RRAGD: variants seen among roughly 807,000 people sequenced by gnomAD.
The protein encoded by RRAGD is ras-related GTP-binding protein D.
Under a neutral mutation model 35.5 loss-of-function variants are expected in RRAGD, and 12 were observed. The observed-to-expected ratio is 0.34, with a 90% confidence interval of 0.22 to 0.55. The LOEUF (loss-of-function observed/expected upper bound fraction) is 0.55, where lower values mean the gene tolerates loss of function less well. RRAGD is among the 20% of genes least tolerant of loss of function. The pLI, the probability that RRAGD is intolerant of heterozygous loss-of-function variation, is 0.91. For synonymous variants in RRAGD, 155 were observed against 178.9 expected (o/e 0.87, Z 1.07); for missense variants, 324 against 490.1 (o/e 0.66, Z 3.20).
chr6:89,388,338 G>A (rs1453360064), intron 1 of RRAGD, among the ~76,000 whole-genome samples: 3 of 152,184 alleles, frequency 2.0e-5, no homozygotes, highest in Admixed American at 6.5e-5. Flanking sequence ...TGGGGGAAAA[G>A]ACGAATGGGG....
chr6:89,377,938 T>G (rs1189660447), intron 4 of RRAGD, 125 bp from the exon 5 acceptor site: 3 of 671,780 alleles, frequency 4.5e-6, no homozygotes, highest in Non-Finnish European at 7.3e-6. Context: ...TACTAAAAAT[T>G]TAAATTGTAT....
chr6:89,390,499 A>G (rs895084069), intron 1 of RRAGD, among the ~76,000 whole-genome samples: 1 of 152,248 alleles, frequency 6.6e-6, no homozygotes, highest in East Asian at 1.9e-4. Flanking sequence ...TATAATCAAA[A>G]TGACAGATAA....
At chr6:89,371,131 T>A (rs1768847754) in intron 6 of RRAGD, among the ~76,000 whole-genome samples, 1 of 151,662 alleles carries the variant, frequency 6.6e-6, no homozygotes, top group Non-Finnish European at 1.5e-5. Context: ...CCAGTTTTGT[T>A]GGAAGGAAGG....
At chr6:89,400,708 C>T in intron 1 of RRAGD, among the ~76,000 whole-genome samples, 1 of 152,142 alleles carries the variant, frequency 6.6e-6, no homozygotes, top group East Asian at 1.9e-4. Context: ...GCACTTCAGC[C>T]TCTCAGCCTC....
intron 1 of RRAGD, among the ~76,000 whole-genome samples, chr6:89,392,432 A>G (rs1017977493): frequency 8.1e-5 from 12 of 148,982 alleles, no homozygotes; most frequent in South Asian, 4.2e-4. Flanking sequence ...GTGAGCTTTG[A>G]TTGCACTACT....
intron 5 of RRAGD, among the ~76,000 whole-genome samples, chr6:89,374,826 T>C (rs1283981862): frequency 1.3e-5 from 2 of 152,154 alleles, no homozygotes; most frequent in Non-Finnish European, 2.9e-5. Context: ...AGAAAAACCT[T>C]TTAAGTGCTG....
At chr6:89,388,459 G>A (rs748754473) in intron 1 of RRAGD, among the ~76,000 whole-genome samples, 9 of 152,160 alleles carry the variant, frequency 5.9e-5, no homozygotes, top group South Asian at 2.1e-4. Flanking sequence ...GGCCCTCACC[G>A]CCAAAAATGG....
At position 89,367,946 on chromosome 6, in the gene RRAGD, C is replaced by A; in HGVS notation, c.*110G>T. On this transcript the variant is annotated 3_prime_UTR_variant, in exon 7 of 7. Transcript: ENST00000369415. ...TGCAGGAATTTTTTTTTTTTAACAA[C>A]AAATCAATGGTATGTGTCCCAATCT... 6.2e-6 allele frequency: 6 copies of A among 971,224 alleles called. No individual in the cohort carries two copies. Among genetic ancestry groups the A allele is most frequent in the Admixed American group, 2.9e-5 (1 of 34,724 alleles). The allele number at this position is 971,224 out of a possible 1,614,324, so 60.2% of individuals were successfully genotyped here.
rs1411433921 is a variant in RRAGD, at chr6:89,411,888, CG to C, written c.105del (p.Asp36ThrfsTer26). On this transcript the variant is annotated frameshift_variant, in exon 1 of 7. Transcript: ENST00000369415. LOFTEE classifies it high-confidence loss of function. The surrounding 1 kb of genome is among the most constrained non-coding windows in gnomAD (Gnocchi z 5.6). ...LVGLADYGDG[P>X]DSSDADPDSG... is the part of the protein sequence containing the mutation. ...CTGTCCGGATCGGCGTCGGAGGAGT[CG>C]GGCCCGTCTCCGTAGTCCGCTAGCC... The C allele has an allele frequency of 6.5e-7, 1 of 1,546,950 alleles. No homozygotes were observed. The highest frequency in any genetic ancestry group is 8.7e-7 in the Non-Finnish European group (1 of 1,148,612).
rs1226073792 is a variant in RRAGD, at chr6:89,411,828, C to T, written c.148+18G>A. On this transcript the variant is annotated intron_variant, in intron 1 of 6. Transcript: ENST00000369415. This position sits in a 1 kb window ranked among gnomAD's most constrained non-coding sequence, Gnocchi z 5.6. Reference sequence around the variant, plus strand: ...AGGAAAGGGGCGCGAGCCGAGGACGCGGGGGCCGGGCGCTCACCTCCCTCC... The same window carrying T: ...AGGAAAGGGGCGCGAGCCGAGGACGTGGGGGCCGGGCGCTCACCTCCCTCC... 2 of 1,543,714 alleles carry T rather than the reference C, an allele frequency of 1.3e-6. No homozygotes were observed. Among genetic ancestry groups the T allele is most frequent in the Non-Finnish European group, 1.7e-6 (2 of 1,148,748 alleles).
intron 2 of RRAGD, among the ~76,000 whole-genome samples, chr6:89,380,693 G>A (rs1769027443): frequency 1.3e-5 from 2 of 152,096 alleles, no homozygotes; most frequent in Non-Finnish European, 2.9e-5. Context: ...GGATCATGAG[G>A]TCAGGAGATT....
At chr6:89,380,053 CAG>C (rs553606554) in intron 3 of RRAGD, 113 bp downstream of exon 3, 20 of 847,446 alleles carry the variant, frequency 2.4e-5, no homozygotes, top group Non-Finnish European at 3.7e-5. Context: ...CAGCATGAAA[CAG>C]GGTAAAAAGA....
At chr6:89,371,704 T>C (rs1041179070) in intron 6 of RRAGD, among the ~76,000 whole-genome samples, 16 of 152,200 alleles carry the variant, frequency 1.1e-4, no homozygotes, top group Admixed American at 8.5e-4. Flanking sequence ...TGTTGGAGAT[T>C]TTCTTTTACC....
At chr6:89,377,376 G>C (rs1047557670) in intron 5 of RRAGD, among the ~76,000 whole-genome samples, 1 of 152,192 alleles carries the variant, frequency 6.6e-6, no homozygotes, top group Non-Finnish European at 1.5e-5. Flanking sequence ...CTACTCGAGA[G>C]GCTGAGGTGA....
chr6:89,394,887 A>G (rs1221526513), intron 1 of RRAGD, among the ~76,000 whole-genome samples: 2 of 152,194 alleles, frequency 1.3e-5, no homozygotes, highest in East Asian at 3.8e-4. Flanking sequence ...ATATTCACAT[A>G]CATATATAAT....
chr6:89,374,925 G>A (rs1156372748), intron 5 of RRAGD, among the ~76,000 whole-genome samples: 1 of 151,994 alleles, frequency 6.6e-6, no homozygotes. Context: ...AATCTCTCTT[G>A]CTTATAAGTA....
At chr6:89,382,902 T>G (rs772547140) in intron 2 of RRAGD, among the ~76,000 whole-genome samples, 6 of 152,060 alleles carry the variant, frequency 3.9e-5, no homozygotes, top group Non-Finnish European at 5.9e-5. Context: ...AAAATTAAAT[T>G]AAATGAAAGG....
chr6:89,389,170 A>T (rs1415976375), intron 1 of RRAGD, among the ~76,000 whole-genome samples: 1 of 152,160 alleles, frequency 6.6e-6, no homozygotes, highest in Admixed American at 6.5e-5. Flanking sequence ...AAAGTTCTAG[A>T]GGCCAGCACT....
intron 1 of RRAGD, among the ~76,000 whole-genome samples, chr6:89,402,380 A>G (rs1380972585): frequency 6.6e-6 from 1 of 152,084 alleles, no homozygotes; most frequent in Non-Finnish European, 1.5e-5. Flanking sequence ...GGAGATTAAT[A>G]TGATTTACAT....
Sources: allele counts gnomAD v4.1 joint callset (sites outside exome capture counted in the v4.1 genomes callset), GRCh38; gene constraint gnomAD v4.1.1; non-coding constraint Gnocchi (gnomAD v3.1); transcripts MANE v1.5; gene names NCBI Gene and HGNC (gene_info 2026-07-23, HGNC 2026-07-21).